Variants in DACH1 observed in about 807,000 individuals in gnomAD.
DACH1 encodes dachshund family transcription factor 1.
DACH1 carries 12 observed loss-of-function variants against 54.2 expected under a neutral mutation model. That is an observed-to-expected ratio of 0.22 (90% CI 0.14 to 0.36). The LOEUF is 0.36. DACH1 is among the 10% of genes least tolerant of loss of function. The pLI, the probability that DACH1 is intolerant of heterozygous loss-of-function variation, is 1.00. For missense variants in DACH1, 805 were observed against 929.8 expected, an observed-to-expected ratio of 0.87 and a Z score of 1.75; for synonymous variants, 386 against 366.2, an observed-to-expected ratio of 1.05 and a Z score of -0.62.
At chr13:71,842,050 G>A (rs1238952678) in intron 1 of DACH1, among the ~76,000 whole-genome samples, 1 of 152,140 alleles carries the variant, frequency 6.6e-6, no homozygotes, top group Non-Finnish European at 1.5e-5. Context: ...CAAGTATAGT[G>A]TACTAAAGAG....
intron 2 of DACH1, among the ~76,000 whole-genome samples, chr13:71,668,086 G>A (rs1879963662): frequency 6.6e-6 from 1 of 151,960 alleles, no homozygotes. Context: ...GAAAATAGAT[G>A]TTTTAATAGG....
chr13:71,471,720 C>T (rs995955911), intron 10 of DACH1, among the ~76,000 whole-genome samples: 2 of 151,138 alleles, frequency 1.3e-5, no homozygotes, highest in African/African-American at 2.4e-5. Flanking sequence ...CCACTGCACT[C>T]CAGCCTGGGC....
chr13:71,577,565 G>GT (rs1359209562), intron 3 of DACH1, among the ~76,000 whole-genome samples: 1 of 152,088 alleles, frequency 6.6e-6, no homozygotes, highest in South Asian at 2.1e-4. Flanking sequence ...AAGCACAATT[G>GT]TTTTTTACTT....
intron 1 of DACH1, among the ~76,000 whole-genome samples, chr13:71,706,521 A>G (rs1882457270): frequency 1.3e-5 from 2 of 152,142 alleles, no homozygotes; most frequent in Non-Finnish European, 2.9e-5. Context: ...AAAACATGTG[A>G]TGTGATTACT....
At chr13:71,474,626 A>G (rs1450916079) in intron 10 of DACH1, among the ~76,000 whole-genome samples, 1 of 152,200 alleles carries the variant, frequency 6.6e-6, no homozygotes, top group African/African-American at 2.4e-5. Context: ...TTGTGTTATT[A>G]AAGTGTATAT....
chr13:71,478,589 A>G (rs1023688237), intron 8 of DACH1, among the ~76,000 whole-genome samples: 16 of 152,192 alleles, frequency 1.1e-4, no homozygotes, highest in Non-Finnish European at 8.8e-5. Context: ...GAAGCAGTTC[A>G]CAGATCAATA....
rs944140012 is a variant in DACH1, at chr13:71,723,403, G to C, written c.849-41493C>G. Among the ~76,000 whole-genome samples, 7 of 152,090 alleles carry C rather than the reference G, an allele frequency of 4.6e-5. No homozygotes were observed. In the East Asian group the frequency reaches 1.3e-3, roughly 29 times the overall value. On this transcript the variant is annotated intron_variant, in intron 1 of 10. Transcript: ENST00000613252. ...CATTCCAGCCGAGGCAGTAGAGTGA[G>C]ATCCTATCTAAAAAATAAAATAAAA...
chr13:71,513,075 T>A (rs1880903194), intron 6 of DACH1, among the ~76,000 whole-genome samples: 1 of 151,864 alleles, frequency 6.6e-6, no homozygotes, highest in South Asian at 2.1e-4. Context: ...ATTGGAACCA[T>A]CTGCTACCAA....
chr13:71,623,539 ATATGTAAATAGATG>A (rs1480489672), intron 3 of DACH1, among the ~76,000 whole-genome samples: 2 of 151,782 alleles, frequency 1.3e-5, no homozygotes, highest in Admixed American at 1.3e-4. Context: ...TGCTTGCATA[ATATGTAAATAGATG>A]TTATAGTATA....
intron 2 of DACH1, among the ~76,000 whole-genome samples, chr13:71,654,360 A>T (rs928628497): frequency 4.7e-5 from 7 of 150,438 alleles, no homozygotes; most frequent in Admixed American, 2.0e-4. Flanking sequence ...ACCACACTCC[A>T]GCCTGGGCGA....
chr13:71,638,486 T>C (rs1190120458), intron 2 of DACH1, among the ~76,000 whole-genome samples: 1 of 152,228 alleles, frequency 6.6e-6, no homozygotes, highest in Admixed American at 6.5e-5. Context: ...ATCAGTGCCA[T>C]ATTCATATAC....
intron 2 of DACH1, among the ~76,000 whole-genome samples, chr13:71,637,939 T>C (rs1877608505): frequency 6.6e-6 from 1 of 152,194 alleles, no homozygotes; most frequent in African/African-American, 2.4e-5. Context: ...CAATCTTTGA[T>C]CTTTGGTTTC....
In DACH1 at chr13:71,578,496, G is replaced by T. The variant is rs73521269; in HGVS notation, c.1127-5484C>A. Among the ~76,000 whole-genome samples, 924 of 152,124 alleles carry T rather than the reference G, an allele frequency of 6.1e-3. 11 individuals carry two copies. The highest frequency in any genetic ancestry group is 0.021 in the African/African-American group (878 of 41,506). On this transcript the variant is annotated intron_variant, in intron 3 of 10. Coordinates refer to ENST00000613252, the MANE Select transcript of DACH1 (RefSeq NM_080759.6). ...CTCTATTAAAAAAATGATATAAAAC[G>T]TCAGCAGTAATGCTACTATTTTGCA...
chr13:71,793,408 CT>C (rs1048147637), intron 1 of DACH1, among the ~76,000 whole-genome samples: 2 of 152,184 alleles, frequency 1.3e-5, no homozygotes, highest in African/African-American at 4.8e-5. Flanking sequence ...CTAAGACACC[CT>C]TTTCATTTCA....
intron 1 of DACH1, among the ~76,000 whole-genome samples, chr13:71,765,601 A>T (rs1296177266): frequency 6.6e-6 from 1 of 152,164 alleles, no homozygotes; most frequent in Admixed American, 6.5e-5. Flanking sequence ...GAGAGCCATT[A>T]TTATCTGGTT....
chr13:71,813,458 T>A (rs1425827706), intron 1 of DACH1, among the ~76,000 whole-genome samples: 2 of 152,142 alleles, frequency 1.3e-5, no homozygotes, highest in Admixed American at 1.3e-4. Flanking sequence ...TCCTCTAACA[T>A]CTAGACTTGC....
At chr13:71,448,354 G>T (rs1217748236) in intron 10 of DACH1, among the ~76,000 whole-genome samples, 1 of 152,138 alleles carries the variant, frequency 6.6e-6, no homozygotes, top group Non-Finnish European at 1.5e-5. Flanking sequence ...ATCATGTGAA[G>T]TAAAGGAAAC....
chr13:71,615,234 C>G (rs924123078), intron 3 of DACH1, among the ~76,000 whole-genome samples: 2 of 152,156 alleles, frequency 1.3e-5, no homozygotes, highest in Non-Finnish European at 2.9e-5. Flanking sequence ...TGTCAAACTT[C>G]TTTTCAATTC....
chr13:71,755,576 C>T (rs1013448231), intron 1 of DACH1, among the ~76,000 whole-genome samples: 1 of 152,150 alleles, frequency 6.6e-6, no homozygotes, highest in Admixed American at 6.5e-5. Flanking sequence ...TCAGACAGTT[C>T]CAGGGCTACT....
Sources: allele counts gnomAD v4.1 joint callset (sites outside exome capture counted in the v4.1 genomes callset), GRCh38; gene constraint gnomAD v4.1.1; transcripts MANE v1.5; gene names NCBI Gene and HGNC (gene_info 2026-07-23, HGNC 2026-07-21).